CRACD: variants seen among roughly 807,000 people sequenced by gnomAD.
CRACD encodes capping protein-inhibiting regulator of actin dynamics.
A neutral mutation model predicts 106.8 loss-of-function variants in CRACD; 56 were observed. The observed-to-expected ratio is 0.52, with a 90% CI of 0.42 to 0.66. The LOEUF is 0.66. Ranked by LOEUF, CRACD falls within the 30% of genes least tolerant of loss-of-function variation. The probability of loss-of-function intolerance (pLI) is 0.00; values close to 1 mark genes in which losing one functional copy is unlikely to be tolerated. For missense variants in CRACD, 1,730 were observed against 1,623.2 expected (o/e 1.07, Z -1.13); for synonymous variants, 754 against 670.8 (o/e 1.12, Z -1.92).
At chr4:56,100,989 A>G (rs905910553) in intron 1 of CRACD, among the ~76,000 whole-genome samples, 1 of 152,174 alleles carries the variant, frequency 6.6e-6, no homozygotes, top group African/African-American at 2.4e-5. Flanking sequence ...GGGGAAAACC[A>G]TGTCTTAGTC....
At chr4:56,136,681 T>C (rs1001462683) in intron 1 of CRACD, among the ~76,000 whole-genome samples, 2 of 152,210 alleles carry the variant, frequency 1.3e-5, no homozygotes, top group African/African-American at 4.8e-5. Flanking sequence ...TTACAAATAT[T>C]AATATTTTCT....
At chr4:56,299,267 T>A (rs1253228790) in intron 4 of CRACD, among the ~76,000 whole-genome samples, 2 of 152,020 alleles carry the variant, frequency 1.3e-5, no homozygotes, top group Non-Finnish European at 2.9e-5. Flanking sequence ...ATATAATAAA[T>A]AATTATTCAC....
chr4:56,218,640 C>G (rs1332241936), intron 2 of CRACD, among the ~76,000 whole-genome samples: 1 of 147,716 alleles, frequency 6.8e-6, no homozygotes, highest in Admixed American at 6.8e-5. Context: ...CAGGCTCTCT[C>G]TCTGTCACCC....
chr4:56,284,005 C>G (rs1743178664), intron 3 of CRACD, among the ~76,000 whole-genome samples: 2 of 152,162 alleles, frequency 1.3e-5, no homozygotes, highest in Non-Finnish European at 2.9e-5. Context: ...CTTCTTGGAG[C>G]TTTCTGCAGT....
chr4:56,303,476 T>C (rs1744490151), intron 4 of CRACD, among the ~76,000 whole-genome samples: 1 of 152,246 alleles, frequency 6.6e-6, no homozygotes, highest in African/African-American at 2.4e-5. Context: ...TCAGTGATTG[T>C]TTATTTCATA....
At chr4:56,293,928 G>A (rs923462981) in intron 3 of CRACD, among the ~76,000 whole-genome samples, 2 of 38,824 alleles carry the variant, frequency 5.2e-5, no homozygotes, top group Non-Finnish European at 2.1e-4. Context: ...AAAATTCTAT[G>A]CTTCAGGTGT....
intron 1 of CRACD, among the ~76,000 whole-genome samples, chr4:56,083,218 T>G (rs557739622): frequency 1.3e-5 from 2 of 152,370 alleles, no homozygotes; most frequent in Non-Finnish European, 2.9e-5. Context: ...GTTGTCTTTA[T>G]TCTGTTGTTT....
intron 3 of CRACD, among the ~76,000 whole-genome samples, chr4:56,295,822 G>A (rs1241008122): frequency 7.2e-5 from 11 of 151,874 alleles, no homozygotes; most frequent in East Asian, 5.8e-4. Context: ...TCAGAAGTGC[G>A]ATTCCACAAC....
intron 1 of CRACD, among the ~76,000 whole-genome samples, chr4:56,095,885 T>A (rs1312967780): frequency 1.3e-5 from 2 of 151,862 alleles, no homozygotes; most frequent in Non-Finnish European, 2.9e-5. Flanking sequence ...AGTTGTGGAG[T>A]AGTGAGATAT....
intron 1 of CRACD, among the ~76,000 whole-genome samples, chr4:56,142,061 T>C (rs763347927): frequency 6.6e-6 from 1 of 152,198 alleles, no homozygotes; most frequent in Non-Finnish European, 1.5e-5. Context: ...AAATAGAATG[T>C]AAGAAGTTTT....
At chr4:56,244,242 T>A (rs1237918292) in intron 2 of CRACD, among the ~76,000 whole-genome samples, 2 of 152,068 alleles carry the variant, frequency 1.3e-5, no homozygotes, top group East Asian at 3.9e-4. Flanking sequence ...AGGGTTCATA[T>A]GCTGGCAATG....
At chr4:56,247,781 C>T (rs190368400) in intron 2 of CRACD, among the ~76,000 whole-genome samples, 2 of 151,088 alleles carry the variant, frequency 1.3e-5, no homozygotes, top group East Asian at 1.9e-4. Flanking sequence ...AGGAGGGGGA[C>T]GTTGCAGCGA....
intron 1 of CRACD, among the ~76,000 whole-genome samples, chr4:56,100,979 G>A (rs1733757147): frequency 6.6e-6 from 1 of 152,084 alleles, no homozygotes; most frequent in African/African-American, 2.4e-5. Context: ...TGATCTCTGT[G>A]GGGAAAACCA....
At chr4:56,067,126 A>C (rs957934290) in intron 1 of CRACD, among the ~76,000 whole-genome samples, 2 of 152,146 alleles carry the variant, frequency 1.3e-5, no homozygotes, top group African/African-American at 4.8e-5. Flanking sequence ...GAAAGAATGG[A>C]AGTCTTCTTC....
intron 1 of CRACD, among the ~76,000 whole-genome samples, chr4:56,153,581 C>T (rs944606680): frequency 1.1e-4 from 14 of 123,894 alleles, no homozygotes; most frequent in African/African-American, 4.0e-4. Flanking sequence ...TCATCTAGTC[C>T]GTGTCCATGC....
intron 2 of CRACD, among the ~76,000 whole-genome samples, chr4:56,200,603 C>T (rs1016711035): frequency 6.6e-6 from 1 of 152,076 alleles, no homozygotes; most frequent in African/African-American, 2.4e-5. Flanking sequence ...GCTTGTCCTG[C>T]TATAGCTTTT....
chr4:56,260,882 TATCCATCCATCC>T (rs11276099), intron 2 of CRACD, among the ~76,000 whole-genome samples: 69,693 of 149,796 alleles, frequency 0.47, 16,381 homozygotes, highest in East Asian at 0.63. Context: ...TCTGTCTGTG[TATCCATCCATCC>T]ATCCATCCAT....
Position 56,314,012 on chromosome 4 carries a change from C to T in CRACD, c.538-28C>T, listed in dbSNP as rs746365083. 1.9e-5 allele frequency: 30 copies of T among 1,602,130 alleles called. No homozygotes were observed. The highest frequency in any genetic ancestry group is 2.4e-5 in the Non-Finnish European group (28 of 1,173,994). On this transcript the variant is annotated intron_variant, in intron 7 of 10. Transcript: ENST00000682029. The surrounding 1 kb of genome is among the most constrained non-coding windows in gnomAD (Gnocchi z 4.4). ...GACTGTGGGTGGAGAAAGCAAAAGGCTAATTGTGTTTTCCTTTCCAATGTT... is the reference window on the plus strand; with the variant it reads ...GACTGTGGGTGGAGAAAGCAAAAGGTTAATTGTGTTTTCCTTTCCAATGTT...
chr4:56,049,550 C>A (rs1268440984), intron 1 of CRACD, among the ~76,000 whole-genome samples: 1 of 152,126 alleles, frequency 6.6e-6, no homozygotes, highest in Non-Finnish European at 1.5e-5. Flanking sequence ...GGGAACCTGC[C>A]GCCGGGCTGC....
Sources: allele counts gnomAD v4.1 joint callset (sites outside exome capture counted in the v4.1 genomes callset), GRCh38; gene constraint gnomAD v4.1.1; non-coding constraint Gnocchi (gnomAD v3.1); transcripts MANE v1.5; gene names NCBI Gene and HGNC (gene_info 2026-07-23, HGNC 2026-07-21).